FUT8: variants seen among roughly 807,000 people sequenced by gnomAD.
FUT8 encodes the protein alpha-(1,6)-fucosyltransferase.
In FUT8, 29 loss-of-function variants were observed where a neutral mutation model predicts 71.3. The ratio of observed to expected loss-of-function variants is 0.41; its 90% CI spans 0.30 to 0.55. The LOEUF is 0.55. Among genes scored for constraint, FUT8 ranks in the 20% least tolerant of loss-of-function variants. FUT8 has a pLI of 0.34. For missense variants in FUT8, 544 were observed against 702.1 expected, an observed-to-expected ratio of 0.77 and a Z score of 2.55; for synonymous variants, 254 against 239.3, an observed-to-expected ratio of 1.06 and a Z score of -0.57.
chr14:65,641,271 G>A (rs887835824), intron 6 of FUT8, among the ~76,000 whole-genome samples: 7 of 152,150 alleles, frequency 4.6e-5, no homozygotes, highest in Admixed American at 4.6e-4. Context: ...GAGACCTACA[G>A]TACATACTAT....
chr14:65,684,133 C>T (rs755642519), intron 7 of FUT8, among the ~76,000 whole-genome samples: 39 of 151,588 alleles, frequency 2.6e-4, no homozygotes, highest in African/African-American at 3.9e-4. Context: ...TATATTTTAT[C>T]GCATTTTCAG....
intron 7 of FUT8, among the ~76,000 whole-genome samples, chr14:65,708,611 TG>T (rs1894670714): frequency 6.6e-6 from 1 of 152,254 alleles, no homozygotes; most frequent in South Asian, 2.1e-4. Flanking sequence ...TAAATGGGAT[TG>T]TTTCCTTAAT....
In FUT8 at chr14:65,423,456, G is replaced by T. The variant is rs559188080; in HGVS notation, c.-326+10242G>T. ...TTTTGTATTTTTAGTAGAGACTGGGGTTTCACAGTGTTAGTCAGGATGGTC... is the reference window on the plus strand; with the variant it reads ...TTTTGTATTTTTAGTAGAGACTGGGTTTTCACAGTGTTAGTCAGGATGGTC... On this transcript the variant is annotated intron_variant, in intron 1 of 10. Coordinates refer to ENST00000673929, the MANE Select transcript of FUT8 (RefSeq NM_001371533.1). 8.5e-5 allele frequency among the ~76,000 whole-genome samples: 13 copies of T among 152,064 alleles called. No individual in the cohort carries two copies. In the East Asian group the frequency reaches 2.5e-3, roughly 29 times the overall value.
intron 2 of FUT8, among the ~76,000 whole-genome samples, chr14:65,508,181 C>T (rs1436371030): frequency 1.3e-5 from 2 of 151,408 alleles, no homozygotes; most frequent in Non-Finnish European, 2.9e-5. Context: ...AATTCTCCTG[C>T]CTCAGCCTCC....
At chr14:65,542,756 C>G (rs2139968168) in intron 2 of FUT8, among the ~76,000 whole-genome samples, 1 of 152,060 alleles carries the variant, frequency 6.6e-6, no homozygotes, top group East Asian at 1.9e-4. Flanking sequence ...AATGTTTATT[C>G]ATTATTTGTG....
intron 6 of FUT8, among the ~76,000 whole-genome samples, chr14:65,632,184 A>C (rs1259995576): frequency 1.3e-5 from 2 of 152,186 alleles, no homozygotes; most frequent in Non-Finnish European, 2.9e-5. Flanking sequence ...TGCTGCTATA[A>C]ACATGCATGT....
intron 2 of FUT8, among the ~76,000 whole-genome samples, chr14:65,474,062 A>G (rs771936722): frequency 4.6e-5 from 7 of 152,144 alleles, no homozygotes; most frequent in East Asian, 1.9e-4. Context: ...ACTGAATACC[A>G]TATGTTCTCA....
chr14:65,572,712 A>G (rs553464927), intron 3 of FUT8, among the ~76,000 whole-genome samples: 48 of 152,288 alleles, frequency 3.2e-4, no homozygotes, highest in Admixed American at 5.9e-4. Context: ...AGCGATAAAG[A>G]TGGGTCATTC....
chr14:65,422,387 C>A (rs934004808), intron 1 of FUT8, among the ~76,000 whole-genome samples: 1 of 152,160 alleles, frequency 6.6e-6, no homozygotes, highest in African/African-American at 2.4e-5. Context: ...TGCCTTTAAT[C>A]CTGGTGCTTT....
chr14:65,659,686 T>C (rs1891866502), intron 6 of FUT8, among the ~76,000 whole-genome samples: 1 of 152,060 alleles, frequency 6.6e-6, no homozygotes, highest in Non-Finnish European at 1.5e-5. Flanking sequence ...CTCTTCCTCT[T>C]CCCCTTTCTG....
intron 7 of FUT8, among the ~76,000 whole-genome samples, chr14:65,702,814 C>A (rs536013164): frequency 2.6e-5 from 4 of 152,094 alleles, no homozygotes; most frequent in African/African-American, 9.6e-5. Flanking sequence ...TCTCGGCTCA[C>A]TGCAACCTCC....
intron 2 of FUT8, among the ~76,000 whole-genome samples, chr14:65,553,546 T>C (rs923042998): frequency 6.6e-6 from 1 of 152,110 alleles, no homozygotes; most frequent in African/African-American, 2.4e-5. Flanking sequence ...GGTATCATAC[T>C]CCTCCTTGAA....
At chr14:65,375,373 A>T in the FUT8 span, among the ~76,000 whole-genome samples, 1 of 152,088 alleles carries the variant, frequency 6.6e-6, no homozygotes. Context: ...TGATCCTAGC[A>T]CTTTGGAAGG....
intron 7 of FUT8, among the ~76,000 whole-genome samples, chr14:65,714,716 A>G (rs1253652857): frequency 6.6e-6 from 1 of 152,178 alleles, no homozygotes; most frequent in Non-Finnish European, 1.5e-5. Flanking sequence ...ATCTATGAAC[A>G]TGGAATACCT....
At chr14:65,719,448 G>C (rs1333268661) in intron 7 of FUT8, among the ~76,000 whole-genome samples, 1 of 151,992 alleles carries the variant, frequency 6.6e-6, no homozygotes, top group Non-Finnish European at 1.5e-5. Flanking sequence ...TTCAGGATTT[G>C]GTCCCTGGTG....
rs1278794089 is a variant in FUT8 at position 65,448,238 on chromosome 14, A to C, written c.-325-7383A>C. 2.6e-5 allele frequency among the ~76,000 whole-genome samples: 4 copies of C among 152,126 alleles called. No individual in the cohort carries two copies. The East Asian group carries it at 7.7e-4, about 29-fold the overall frequency. ...AGATGATGTTTGTGGTATGGTGAAG[A>C]GTGCTGGGATGATGCAGGCAGGGGG... On this transcript the variant is annotated intron_variant, in intron 1 of 10. Transcript: ENST00000673929.
intron 2 of FUT8, among the ~76,000 whole-genome samples, chr14:65,541,156 T>C (rs1485146827): frequency 1.3e-5 from 2 of 152,214 alleles, no homozygotes; most frequent in African/African-American, 4.8e-5. Context: ...TAGAAAACAT[T>C]AGCTATTTCC....
At chr14:65,557,242 C>G (rs1057138698) in intron 2 of FUT8, among the ~76,000 whole-genome samples, 7 of 151,960 alleles carry the variant, frequency 4.6e-5, no homozygotes, top group Non-Finnish European at 8.8e-5. Context: ...TCTGTAAATA[C>G]TGAAAGAAAT....
At chr14:65,633,378 C>T (rs1594840496) in intron 6 of FUT8, among the ~76,000 whole-genome samples, 6 of 152,320 alleles carry the variant, frequency 3.9e-5, no homozygotes. Flanking sequence ...ACAACCTCCA[C>T]CTCCCAGCCG....
Sources: gnomAD v4.1 joint callset for allele counts (sites outside exome capture counted in the v4.1 genomes callset) on GRCh38, gnomAD v4.1.1 for gene constraint, MANE v1.5 for transcripts, NCBI Gene and HGNC (gene_info 2026-07-23, HGNC 2026-07-21) for gene names.